The following TAFA5 variants were observed in gnomAD, a reference collection of about 807,000 sequenced individuals.
The protein encoded by TAFA5 is TAFA chemokine like family member 5.
TAFA5 carries 6 observed loss-of-function variants against 15.3 expected under a neutral mutation model. That is an observed-to-expected ratio of 0.39 (90% CI 0.21 to 0.77). The LOEUF (loss-of-function observed/expected upper bound fraction) is 0.77. Among genes scored for constraint, TAFA5 ranks in the 30% least tolerant of loss-of-function variants. The pLI, the probability that TAFA5 is intolerant of heterozygous loss-of-function variation, is 0.41. For missense variants in TAFA5, 161 were observed against 193.1 expected, an observed-to-expected ratio of 0.83 and a Z score of 0.98; for synonymous variants, 103 against 80.7, an observed-to-expected ratio of 1.28 and a Z score of -1.48.
chr22:48,719,737 C>T (rs536000090), intron 3 of TAFA5, among the ~76,000 whole-genome samples: 13 of 152,368 alleles, frequency 8.5e-5, no homozygotes, highest in African/African-American at 3.1e-4. Flanking sequence ...TTACTCTGCT[C>T]CCTGTCTGCA....
chr22:48,542,524 T>C (rs1922466511), intron 1 of TAFA5, among the ~76,000 whole-genome samples: 1 of 85,678 alleles, frequency 1.2e-5, no homozygotes, highest in African/African-American at 5.4e-5. Flanking sequence ...TGTGTGTGCA[T>C]GTGTGGTGTG....
chr22:48,749,370 G>A (rs992608320), intron 3 of TAFA5, among the ~76,000 whole-genome samples: 1 of 152,228 alleles, frequency 6.6e-6, no homozygotes, highest in Non-Finnish European at 1.5e-5. Flanking sequence ...CCAGGGGAGG[G>A]TGGCTCCGTG....
chr22:48,698,147 T>C (rs1014606953), intron 2 of TAFA5, among the ~76,000 whole-genome samples: 3 of 149,034 alleles, frequency 2.0e-5, no homozygotes, highest in Admixed American at 6.7e-5. Context: ...GATTATGTGA[T>C]GGTGATGATG....
At chr22:48,743,119 T>A (rs4925413) in intron 3 of TAFA5, among the ~76,000 whole-genome samples, 118,553 of 152,192 alleles carry the variant, frequency 0.78, 46,807 homozygotes, top group African/African-American at 0.91. Context: ...CCGTTCTCAC[T>A]GTTCTGGGTC....
chr22:48,508,089 G>A (rs572797824), intron 1 of TAFA5, among the ~76,000 whole-genome samples: 17 of 152,326 alleles, frequency 1.1e-4, no homozygotes, highest in African/African-American at 4.1e-4. Flanking sequence ...CTGGGTGCTG[G>A]TGCAACCCTG....
At chr22:48,612,936 C>T (rs1181506986) in intron 1 of TAFA5, among the ~76,000 whole-genome samples, 1 of 152,150 alleles carries the variant, frequency 6.6e-6, no homozygotes, top group African/African-American at 2.4e-5. Flanking sequence ...GGCCTGGTCA[C>T]CCTCCAGCCT....
At chr22:48,602,639 G>C (rs1925016148) in intron 1 of TAFA5, among the ~76,000 whole-genome samples, 1 of 152,164 alleles carries the variant, frequency 6.6e-6, no homozygotes, top group South Asian at 2.1e-4. Context: ...TCGTATCCTG[G>C]ACCATGTGGC....
intron 2 of TAFA5, among the ~76,000 whole-genome samples, chr22:48,683,971 C>G (rs1928275873): frequency 6.6e-6 from 1 of 152,162 alleles, no homozygotes; most frequent in African/African-American, 2.4e-5. Flanking sequence ...TCCTCTGTGG[C>G]CTCCCCAGCC....
At position 48,540,003 on chromosome 22, in the gene TAFA5, G is replaced by A. The variant is rs77672463; in HGVS notation, c.112+50299G>A. On this transcript the variant is annotated intron_variant, in intron 1 of 3. Coordinates refer to ENST00000402357, the MANE Select transcript of TAFA5 (RefSeq NM_001082967.3). ...GGGTCTGGCAGAGCCCATGTCCCAT[G>A]GATTGGGGGGTTGGGAGTGGAACTG... Among the ~76,000 whole-genome samples, 2,492 of 152,268 alleles carry A rather than the reference G, an allele frequency of 0.016. 123 individuals are homozygous for A. In the East Asian group the frequency reaches 0.18, roughly 11 times the overall value.
Position 48,729,351 on chromosome 22 carries a change from A to ATATTTATTTGTAAATATATTTATAT in TAFA5, c.391-20484_391-20483insTATTTGTAAATATATTTATATTATT, listed in dbSNP as rs1555903038. Among the ~76,000 whole-genome samples, 3 of 141,656 alleles carry ATATTTATTTGTAAATATATTTATAT rather than the reference A, an allele frequency of 2.1e-5. No individual in the cohort carries two copies. The East Asian group carries it at 6.0e-4, about 28-fold the overall frequency. 92.9% of individuals were successfully genotyped at this position (141,656 alleles called of 152,430 possible). On this transcript the variant is annotated intron_variant, in intron 3 of 3. Transcript: ENST00000402357. ...TATTTATTTGTAAATATATATTTTTATATTAGTATATAATAATTTATAAAT... is the reference window on the plus strand; with the variant it reads ...TATTTATTTGTAAATATATATTTTTATATTTATTTGTAAATATATTTATATTATTAGTATATAATAATTTATAAAT...
intron 1 of TAFA5, among the ~76,000 whole-genome samples, chr22:48,564,724 A>G (rs1015350307): frequency 1.3e-5 from 2 of 152,202 alleles, no homozygotes; most frequent in Non-Finnish European, 2.9e-5. Context: ...GGTTGGAGAA[A>G]GCTTCCAGGC....
intron 1 of TAFA5, among the ~76,000 whole-genome samples, chr22:48,527,482 C>A (rs1441271462): frequency 1.3e-5 from 2 of 152,194 alleles, no homozygotes; most frequent in Non-Finnish European, 2.9e-5. Flanking sequence ...TTGCAGCTGC[C>A]CAGAGACAGC....
intron 1 of TAFA5, among the ~76,000 whole-genome samples, chr22:48,646,076 G>A (rs1926851568): frequency 6.6e-6 from 1 of 152,172 alleles, no homozygotes; most frequent in African/African-American, 2.4e-5. Context: ...AGGCATGGCA[G>A]TTCCTCCCTG....
At chr22:48,546,775 G>T (rs1027017774) in intron 1 of TAFA5, 6 of 353,186 alleles carry the variant, frequency 1.7e-5, no homozygotes, top group Non-Finnish European at 2.8e-5. Context: ...TAGGCCATCC[G>T]CTGTTTCAGG....
At chr22:48,722,063 G>T (rs130178) in intron 3 of TAFA5, among the ~76,000 whole-genome samples, 60,209 of 151,836 alleles carry the variant, frequency 0.4, 12,881 homozygotes, top group Non-Finnish European at 0.48. Flanking sequence ...CCAGTTATGG[G>T]ATTGCTGGGT....
intron 1 of TAFA5, among the ~76,000 whole-genome samples, chr22:48,536,015 C>A (rs146754340): frequency 1.5e-4 from 23 of 152,226 alleles, no homozygotes; most frequent in Middle Eastern, 3.4e-3. Context: ...ACAGACACAC[C>A]CCCCCCAGGA....
At position 48,646,664 on chromosome 22, in the gene TAFA5, G is replaced by T; in HGVS notation, c.180G>T (p.Thr60=). 6.2e-7 allele frequency: 1 copy of T among 1,612,032 alleles called. No individual in the cohort carries two copies. Among genetic ancestry groups the T allele is most frequent in the Non-Finnish European group, 8.5e-7 (1 of 1,179,752 alleles). Residue 60 remains threonine, a synonymous_variant, in exon 2 of 4, where the codon ACG becomes ACT. Transcript: ENST00000402357. ...LDRDSSQPRR[T]IARQTARCAC... Reference sequence around the variant, plus strand: ...GGGACAGCAGCCAGCCTCGGAGGACGATCGCCCGGCAGACCGCCCGCTGTG... The same window carrying T: ...GGGACAGCAGCCAGCCTCGGAGGACTATCGCCCGGCAGACCGCCCGCTGTG...
chr22:48,496,238 G>A (rs1187131210), intron 1 of TAFA5, among the ~76,000 whole-genome samples: 2 of 152,102 alleles, frequency 1.3e-5, no homozygotes, highest in Non-Finnish European at 2.9e-5. Flanking sequence ...TGTGAGCTTG[G>A]GGCATGGCTG....
At chr22:48,694,768 CAGA>C (rs1396447196) in intron 2 of TAFA5, among the ~76,000 whole-genome samples, 1 of 150,218 alleles carries the variant, frequency 6.7e-6, no homozygotes, top group African/African-American at 2.5e-5. Context: ...GCCCACCGCT[CAGA>C]CCTCCTCCCC....
Sources: allele counts gnomAD v4.1 joint callset (sites outside exome capture counted in the v4.1 genomes callset), GRCh38; gene constraint gnomAD v4.1.1; transcripts MANE v1.5; gene names NCBI Gene and HGNC (gene_info 2026-07-23, HGNC 2026-07-21).